Variants in USP47 observed in about 807,000 individuals in gnomAD.
USP47 encodes ubiquitin carboxyl-terminal hydrolase 47.
In USP47, 35 loss-of-function variants were observed where a neutral mutation model predicts 165.1. The observed-to-expected ratio is 0.21, with a 90% CI of 0.16 to 0.28. The LOEUF (loss-of-function observed/expected upper bound fraction) is 0.28, where lower values mean the gene tolerates loss of function less well. Among genes scored for constraint, USP47 ranks in the 10% least tolerant of loss-of-function variants. The pLI is 1.00. For missense variants in USP47, 1,277 were observed against 1,607.4 expected (o/e 0.79, Z 3.52); for synonymous variants, 531 against 544.5 (o/e 0.98, Z 0.35).
Position 11,940,568 on chromosome 11 carries a change from A to T in USP47, c.2313+20A>T. 3 of 1,608,878 alleles carry T rather than the reference A, an allele frequency of 1.9e-6. No homozygotes were observed. Among genetic ancestry groups the T allele is most frequent in the Non-Finnish European group, 2.5e-6 (3 of 1,176,862 alleles). Reference sequence around the variant, plus strand: ...AACAAGGTATGTCATTTACTTTTTCATTACTATTTTCTATGCTGGTAGTAG... The same window carrying T: ...AACAAGGTATGTCATTTACTTTTTCTTTACTATTTTCTATGCTGGTAGTAG... On this transcript the variant is annotated intron_variant, in intron 19 of 27. Coordinates refer to ENST00000527733, the MANE Select transcript of USP47 (RefSeq NM_001282659.2).
chr11:11,929,074 C>T (rs976419278), intron 11 of USP47, among the ~76,000 whole-genome samples: 4 of 150,936 alleles, frequency 2.7e-5, no homozygotes, highest in Admixed American at 6.6e-5. Context: ...TATGTTACTT[C>T]GGATTTTTTT....
intron 3 of USP47, among the ~76,000 whole-genome samples, chr11:11,891,120 C>A (rs867511482): frequency 1.3e-5 from 2 of 152,226 alleles, no homozygotes; most frequent in South Asian, 4.2e-4. Context: ...TAACAAACCA[C>A]ATCCTGCGCA....
At chr11:11,925,679 T>A (rs924585274) in intron 11 of USP47, among the ~76,000 whole-genome samples, 1 of 152,034 alleles carries the variant, frequency 6.6e-6, no homozygotes, top group Non-Finnish European at 1.5e-5. Context: ...TACAAGATTG[T>A]CATCAGTGAA....
rs115788661 is a variant in USP47 at position 11,955,845 on chromosome 11, C to T, written c.3894-156C>T. On this transcript the variant is annotated intron_variant, in intron 27 of 27. Transcript: ENST00000527733. The stretch of plus-strand genomic sequence containing the variant: ...AAGCAATATGTTCCTGTGATTAACA[C>T]CTTAGAAATCTGGGACATCTCAGTA... 2.6e-5 allele frequency among the ~76,000 whole-genome samples: 4 copies of T among 152,278 alleles called. No homozygotes were observed. The East Asian group carries it at 5.8e-4, about 22-fold the overall frequency.
intron 11 of USP47, among the ~76,000 whole-genome samples, chr11:11,927,842 A>G (rs1469079333): frequency 6.6e-6 from 1 of 152,096 alleles, no homozygotes; most frequent in Non-Finnish European, 1.5e-5. Flanking sequence ...ATTTGGATGA[A>G]GGCACTTTAC....
intron 20 of USP47, among the ~76,000 whole-genome samples, chr11:11,945,251 G>C (rs1855748307): frequency 6.6e-6 from 1 of 152,178 alleles, no homozygotes; most frequent in South Asian, 2.1e-4. Context: ...TGCTAAGACT[G>C]ATTCATTGCA....
intron 5 of USP47, among the ~76,000 whole-genome samples, chr11:11,898,058 A>G (rs910774613): frequency 2.0e-5 from 3 of 152,122 alleles, no homozygotes; most frequent in Non-Finnish European, 4.4e-5. Flanking sequence ...TTAAGTATCC[A>G]AAGTTTTTTT....
In USP47 at chr11:11,950,451, C is replaced by G; in HGVS notation, c.3552C>G (p.Ser1184Arg). 1 of 1,606,120 alleles carries G rather than the reference C, an allele frequency of 6.2e-7. No homozygotes were observed. The highest frequency in any genetic ancestry group is 1.3e-5 in the African/African-American group (1 of 74,694). Reference sequence around the variant, plus strand: ...ATGAAGAAGATATTAATATTTCCAGCAACTGGGAGGTTTTCCTTGAAGTTC... The same window carrying G: ...ATGAAGAAGATATTAATATTTCCAGGAACTGGGAGGTTTTCCTTGAAGTTC... ...HIYEEDINIS[S>R]NWEVFLEVLD... Residue 1184 changes from serine (S) to arginine (R), a missense_variant, in exon 24 of 28, where the codon AGC becomes AGG. Ser to Arg is a moderately radical substitution (Grantham distance 110). Coordinates refer to ENST00000527733, the MANE Select transcript of USP47 (RefSeq NM_001282659.2).
chr11:11,844,384 C>G (rs1220631992), intron 1 of USP47, among the ~76,000 whole-genome samples: 2 of 152,132 alleles, frequency 1.3e-5, no homozygotes, highest in Admixed American at 1.3e-4. Flanking sequence ...GGGACAGGTC[C>G]TTTTAAACAG....
At chr11:11,884,202 A>G (rs1851009558) in intron 2 of USP47, among the ~76,000 whole-genome samples, 1 of 152,156 alleles carries the variant, frequency 6.6e-6, no homozygotes, top group Non-Finnish European at 1.5e-5. Flanking sequence ...AGTGCTTAAC[A>G]TTACCTCTTA....
At chr11:11,938,166 C>A in intron 17 of USP47, 91 bp from the exon 18 acceptor site, 1 of 1,072,022 alleles carries the variant, frequency 9.3e-7, no homozygotes, top group Non-Finnish European at 1.4e-6. Context: ...GGATTTGTCA[C>A]CTGTTAGAAA....
intron 3 of USP47, among the ~76,000 whole-genome samples, chr11:11,886,400 T>C (rs1296690113): frequency 2.0e-5 from 3 of 152,230 alleles, no homozygotes; most frequent in Non-Finnish European, 4.4e-5. Context: ...GGAACATTAC[T>C]GACCTGATAG....
At chr11:11,877,060 A>G (rs1401082341) in intron 1 of USP47, among the ~76,000 whole-genome samples, 6 of 152,208 alleles carry the variant, frequency 3.9e-5, no homozygotes, top group African/African-American at 1.4e-4. Flanking sequence ...ATTTCCAGAA[A>G]AAACCTTTTT....
intron 10 of USP47, 127 bp downstream of exon 10, chr11:11,920,621 T>C (rs1853767695): frequency 1.2e-6 from 1 of 800,864 alleles, no homozygotes. Context: ...ACTTTTTCTT[T>C]CTTATTTTCT....
intron 4 of USP47, among the ~76,000 whole-genome samples, chr11:11,893,531 G>A (rs1447512596): frequency 6.6e-6 from 1 of 152,114 alleles, no homozygotes; most frequent in Non-Finnish European, 1.5e-5. Flanking sequence ...CGAACTCCTA[G>A]GCTCAAGCGA....
intron 1 of USP47, among the ~76,000 whole-genome samples, chr11:11,855,886 G>C (rs930182199): frequency 6.6e-6 from 1 of 152,162 alleles, no homozygotes; most frequent in Non-Finnish European, 1.5e-5. Context: ...CTAGATCCTA[G>C]TCTAGACTAA....
intron 16 of USP47, among the ~76,000 whole-genome samples, chr11:11,934,518 A>G (rs1854913309): frequency 1.3e-5 from 2 of 152,146 alleles, no homozygotes; most frequent in African/African-American, 4.8e-5. Context: ...TGCGTTACCC[A>G]TTCCATCACT....
chr11:11,895,687 T>A (rs540437468), intron 4 of USP47, among the ~76,000 whole-genome samples: 2 of 152,260 alleles, frequency 1.3e-5, no homozygotes, highest in Admixed American at 1.3e-4. Flanking sequence ...AGGAGTAGAT[T>A]GAAGGCTAAT....
intron 3 of USP47, among the ~76,000 whole-genome samples, chr11:11,886,519 TAA>T (rs1328636207): frequency 6.6e-6 from 1 of 151,798 alleles, no homozygotes; most frequent in Admixed American, 6.6e-5. Flanking sequence ...CTTTCTGAAA[TAA>T]GACAGGCAGA....
Sources: allele counts gnomAD v4.1 joint callset (sites outside exome capture counted in the v4.1 genomes callset), GRCh38; gene constraint gnomAD v4.1.1; transcripts MANE v1.5; gene names NCBI Gene and HGNC (gene_info 2026-07-23, HGNC 2026-07-21).